The following ZNF614 variants were observed in gnomAD, a reference collection of about 807,000 sequenced individuals.
ZNF614 encodes zinc finger protein 614.
Under a neutral mutation model 12.8 loss-of-function variants are expected in ZNF614, and 11 were observed. The ratio of observed to expected loss-of-function variants is 0.86; its 90% CI spans 0.54 to 1.43. The LOEUF (loss-of-function observed/expected upper bound fraction) is 1.43. Among genes scored for constraint, ZNF614 ranks in the 40% most tolerant of loss-of-function variants. The probability of loss-of-function intolerance (pLI) is 0.00; values close to 1 mark genes in which losing one functional copy is unlikely to be tolerated. For synonymous variants in ZNF614, 237 were observed against 237.5 expected, an observed-to-expected ratio of 1.00 and a Z score of 0.02; for missense variants, 664 against 708.8, an observed-to-expected ratio of 0.94 and a Z score of 0.72.
rs377278677 is a variant in ZNF614 at position 52,016,602 on chromosome 19, T to C, written c.996A>G (p.Val332=). The change falls in exon 5 of 5, where the codon GTA becomes GTG. Residue 332 remains valine, a synonymous_variant. Transcript: ENST00000270649. ...TCTCCCCTGTATGAGTTCGCTGATG[T>C]ACAATGAGATTGCTCTTCACAGTGA... ...KGFTVKSNLI[V]HQRTHTGEKP... 4.3e-6 allele frequency: 7 copies of C among 1,614,098 alleles called. No homozygotes were observed. Among genetic ancestry groups the C allele is most frequent in the African/African-American group, 1.3e-5 (1 of 74,934 alleles).
In ZNF614 at chr19:52,018,437, G is replaced by A; in HGVS notation, c.73C>T (p.Leu25=). The A allele has an allele frequency of 6.2e-7, 1 of 1,614,164 alleles. No individual in the cohort carries two copies. ...VEFSWEEWQL[L]DTAQKNLYRD... is the part of the protein sequence containing the mutation. ...TACAGGTTCTTCTGAGCAGTGTCCA[G>A]GAGCTGCCACTCCTCCCAGCTGAAT... The change falls in exon 3 of 5, where the codon CTG becomes TTG. Residue 25 remains leucine (L), a synonymous_variant. Transcript: ENST00000270649.
intron 2 of ZNF614, among the ~76,000 whole-genome samples, chr19:52,023,650 A>G (rs920092657): frequency 6.6e-6 from 1 of 152,176 alleles, no homozygotes; most frequent in Non-Finnish European, 1.5e-5. Flanking sequence ...TCAGGAAGAA[A>G]TTCCAAGGGT....
At chr19:52,022,818 T>C (rs575044702) in intron 2 of ZNF614, among the ~76,000 whole-genome samples, 16 of 152,130 alleles carry the variant, frequency 1.1e-4, no homozygotes, top group African/African-American at 2.9e-4. Context: ...AAGAAATGCA[T>C]AGGGCAAGAT....
Position 52,018,379 on chromosome 19 carries a change from A to T in ZNF614, c.131T>A (p.Leu44Gln). 1 of 1,614,116 alleles carries T rather than the reference A, an allele frequency of 6.2e-7. No individual in the cohort carries two copies. The highest frequency in any genetic ancestry group is 1.3e-5 in the African/African-American group (1 of 75,038). ...GAAACTATTCTTACCCAGTGATACT[A>T]GGTGGTTATAGTTCTCCACCATCAC... ...RDVMVENYNH[L>Q]VSLGYQTSKP... The change falls in exon 3 of 5, where the codon CTA (leucine) becomes CAA (glutamine). Residue 44 changes from leucine (L) to glutamine (Q), a missense_variant. Leu to Gln is a moderately radical substitution (Grantham distance 113, BLOSUM62 -2). Transcript: ENST00000270649.
At position 52,015,549 on chromosome 19, in the gene ZNF614, AATT is replaced by A; in HGVS notation, c.*288_*290del. On this transcript the variant is annotated 3_prime_UTR_variant, in exon 5 of 5. Coordinates refer to ENST00000270649, the MANE Select transcript of ZNF614 (RefSeq NM_025040.4). ...TATACTTTTCAGACATATGAGCAGA[AATT>A]ATTGCTCAAAACATCTCCACATTAA... 4.0e-6 allele frequency: 1 copy of A among 251,140 alleles called. No individual in the cohort carries two copies. The highest frequency in any genetic ancestry group is 7.6e-6 in the Non-Finnish European group (1 of 130,880). The allele number at this position is 251,140 out of a possible 1,614,324, so 15.6% of individuals were successfully genotyped here.
At position 52,016,351 on chromosome 19, in the gene ZNF614, A is replaced by G. The variant is rs777934388; in HGVS notation, c.1247T>C (p.Ile416Thr). The stretch of plus-strand genomic sequence containing the variant: ...CTCTCCTGTATGAGTTCGCTGATGT[A>G]TAACGAGAGTGCGTTTGACAGTGAA... ...KGFTVKRTLVIHQRTHTGEKS... is the reference protein window; with the variant it reads ...KGFTVKRTLVTHQRTHTGEKS... Residue 416 changes from isoleucine (I) to threonine (T), a missense_variant, in exon 5 of 5, where the codon ATA becomes ACA. By Grantham distance (89) the Ile-to-Thr change is moderately conservative (BLOSUM62 -1). Transcript: ENST00000270649. The G allele has an allele frequency of 5.6e-6, 9 of 1,610,580 alleles. No homozygotes were observed. The highest frequency in any genetic ancestry group is 3.3e-5 in the Admixed American group (2 of 59,832).
Position 52,016,476 on chromosome 19 carries a change from A to C in ZNF614, c.1122T>G (p.Ser374Arg), listed in dbSNP as rs568689147. Residue 374 changes from serine (S) to arginine (R), a missense_variant, in exon 5 of 5, where the codon AGT (serine) becomes AGG (arginine). Physicochemically the swap from Ser to Arg is moderately radical, Grantham distance 110. Coordinates refer to ENST00000270649, the MANE Select transcript of ZNF614 (RefSeq NM_025040.4). The stretch of plus-strand genomic sequence containing the variant: ...TCACGGTAAAGCCTTTTCCACATTC[A>C]CTGCACATATAGGGTTTCTCTCCAG... ...THTGEKPYMC[S>R]ECGKGFTVKS... is the part of the protein sequence containing the mutation. 1 of 1,613,794 alleles carries C rather than the reference A, an allele frequency of 6.2e-7. No individual in the cohort carries two copies. Among genetic ancestry groups the C allele is most frequent in the Non-Finnish European group, 8.5e-7 (1 of 1,179,908 alleles).
At position 52,016,295 on chromosome 19, in the gene ZNF614, C is replaced by G. The variant is rs751657563; in HGVS notation, c.1303G>C (p.Gly435Arg). Reference protein sequence around the residue: ...KSYICNECGKGFTTKRTLIIH... With the variant: ...KSYICNECGKRFTTKRTLIIH... ...ATAAGAGTGCGCTTTGTGGTGAAGC[C>G]TTTACCACATTCATTGCATATGTAA... The change falls in exon 5 of 5, where the codon GGC (glycine) becomes CGC (arginine). Residue 435 changes from glycine to arginine, a missense_variant. Transcript: ENST00000270649. 4 of 1,614,176 alleles carry G rather than the reference C, an allele frequency of 2.5e-6. No individual in the cohort carries two copies. The highest frequency in any genetic ancestry group is 3.4e-6 in the Non-Finnish European group (4 of 1,180,040).
chr19:52,018,827 T>C (rs1390409000), intron 2 of ZNF614, among the ~76,000 whole-genome samples: 1 of 152,224 alleles, frequency 6.6e-6, no homozygotes, highest in Non-Finnish European at 1.5e-5. Flanking sequence ...ACTATATCTG[T>C]ATAAAGCACA....
In ZNF614 at chr19:52,015,967, C is replaced by T; in HGVS notation, c.1631G>A (p.Cys544Tyr). 6.2e-7 allele frequency: 1 copy of T among 1,614,222 alleles called. No homozygotes were observed. Among genetic ancestry groups the T allele is most frequent in the South Asian group, 1.1e-5 (1 of 91,080 alleles). ...TGATAAGTGGGAGAAGGCTTTCTCA[C>T]AATCACTGCATCCATACGGCCTCTC... is the stretch of plus-strand genomic sequence containing the variant. ...TGERPYGCSDCEKAFSHLSNL... is the reference protein window; with the variant it reads ...TGERPYGCSDYEKAFSHLSNL... The change falls in exon 5 of 5, where the codon TGT (cysteine) becomes TAT (tyrosine). Residue 544 changes from cysteine to tyrosine, a missense_variant. Coordinates refer to ENST00000270649, the MANE Select transcript of ZNF614 (RefSeq NM_025040.4).
At chr19:52,027,356 C>T (rs770548064) in intron 1 of ZNF614, among the ~76,000 whole-genome samples, 31 of 152,356 alleles carry the variant, frequency 2.0e-4, no homozygotes, top group Non-Finnish European at 4.1e-4. Flanking sequence ...ACATTATGCG[C>T]TAAAGGAGTA....
rs1223504458 is a variant in ZNF614 at position 52,015,015 on chromosome 19, G to A, written c.*825C>T. 6.6e-6 allele frequency: 1 copy of A among 152,088 alleles called. No homozygotes were observed. Among genetic ancestry groups the A allele is most frequent in the Non-Finnish European group, 1.5e-5 (1 of 67,996 alleles). The allele number at this position is 152,088 out of a possible 1,614,324, so 9.4% of individuals were successfully genotyped here. A position where few individuals can be genotyped will look rare whatever the true frequency, so the allele number is the denominator to read the frequency against. ...CATTATACCACAATTTTACACAACA[G>A]TAAAAATAAACAGTAATGAGACAGT... On this transcript the variant is annotated 3_prime_UTR_variant, in exon 5 of 5. Transcript: ENST00000270649.
chr19:52,018,779 AAAT>A (rs2086916739), intron 2 of ZNF614, among the ~76,000 whole-genome samples: 1 of 152,230 alleles, frequency 6.6e-6, no homozygotes, highest in South Asian at 2.1e-4. Flanking sequence ...TGAATTCATA[AAAT>A]AGTGCTTTTA....
At position 52,016,910 on chromosome 19, in the gene ZNF614, C is replaced by G; in HGVS notation, c.688G>C (p.Glu230Gln). 1 of 1,614,122 alleles carries G rather than the reference C, an allele frequency of 6.2e-7. No homozygotes were observed. The highest frequency in any genetic ancestry group is 8.5e-7 in the Non-Finnish European group (1 of 1,180,026). Residue 230 changes from glutamate (E) to glutamine (Q), a missense_variant, in exon 5 of 5, where the codon GAG (glutamate) becomes CAG (glutamine). Coordinates refer to ENST00000270649, the MANE Select transcript of ZNF614 (RefSeq NM_025040.4). Reference sequence around the variant, plus strand: ...TCACATTGACCACTTCCAGGATTCTCTTGTATACAAATGTTCTCATGGTAA... The same window carrying G: ...TCACATTGACCACTTCCAGGATTCTGTTGTATACAAATGTTCTCATGGTAA... ...LIYHENICIQ[E>Q]NPGSGQCEKL...
chr19:52,023,342 TA>T (rs2086945521), intron 2 of ZNF614, among the ~76,000 whole-genome samples: 1 of 151,908 alleles, frequency 6.6e-6, no homozygotes, highest in Non-Finnish European at 1.5e-5. Flanking sequence ...CTAATTTTTG[TA>T]TTTTTAGTAG....
At chr19:52,018,612 A>T in intron 2 of ZNF614, 118 bp from the exon 3 acceptor site, 1 of 1,134,752 alleles carries the variant, frequency 8.8e-7, no homozygotes, top group South Asian at 1.8e-5. Flanking sequence ...TTTCTCAAAT[A>T]TACTTTGGTA....
At chr19:52,017,397 T>C (rs1191882105) in intron 4 of ZNF614, 38 bp from the exon 5 acceptor site, 7 of 1,540,694 alleles carry the variant, frequency 4.5e-6, no homozygotes, top group East Asian at 4.5e-5. Context: ...TCCATGAGAA[T>C]TGTATGAGAT....
rs932471520 is a variant in ZNF614, at chr19:52,014,652, T to C, written c.*1188A>G. 1 of 152,100 alleles carries C rather than the reference T, an allele frequency of 6.6e-6. No individual in the cohort carries two copies. Among genetic ancestry groups the C allele is most frequent in the African/African-American group, 2.4e-5 (1 of 41,414 alleles). 9.4% of individuals were successfully genotyped at this position (152,100 alleles called of 1,614,324 possible). On this transcript the variant is annotated 3_prime_UTR_variant, in exon 5 of 5. Coordinates refer to ENST00000270649, the MANE Select transcript of ZNF614 (RefSeq NM_025040.4). ...GCCTCTACCCCTATGAAGTTGGGGGTGCACCACCCTCTTGGGCTATTTGGA... is the reference window on the plus strand; with the variant it reads ...GCCTCTACCCCTATGAAGTTGGGGGCGCACCACCCTCTTGGGCTATTTGGA...
Position 52,017,144 on chromosome 19 carries a change from T to C in ZNF614, c.454A>G (p.Ile152Val), listed in dbSNP as rs145044850. The C allele has an allele frequency of 4.1e-4, 659 of 1,614,212 alleles. No individual in the cohort carries two copies. In the African/African-American group the frequency reaches 7.3e-3, roughly 18 times the overall value. ...SLINQKRRHG[I>V]NNPVEFIGGE... ...CCAATAAACTCAACAGGGTTATTTA[T>C]TCCATGTCTTCTCTTCTGGTTGATT... The change falls in exon 5 of 5, where the codon ATA (isoleucine) becomes GTA (valine). Residue 152 changes from isoleucine (I) to valine (V), a missense_variant. Physicochemically the swap from Ile to Val is conservative, Grantham distance 29. Coordinates refer to ENST00000270649, the MANE Select transcript of ZNF614 (RefSeq NM_025040.4).
Sources: gnomAD v4.1 joint callset for allele counts (sites outside exome capture counted in the v4.1 genomes callset) on GRCh38, gnomAD v4.1.1 for gene constraint, MANE v1.5 for transcripts, NCBI Gene and HGNC (gene_info 2026-07-23, HGNC 2026-07-21) for gene names.